The following DDX46 variants were observed in gnomAD, a reference collection of about 807,000 sequenced individuals.
DDX46 encodes the protein probable ATP-dependent RNA helicase DDX46.
DDX46 carries 30 observed loss-of-function variants against 134.9 expected under a neutral mutation model. The observed-to-expected ratio is 0.22, with a 90% CI of 0.17 to 0.30. The LOEUF is 0.30. DDX46 is among the 10% of genes least tolerant of loss of function. The probability of loss-of-function intolerance (pLI) is 1.00; values close to 1 mark genes in which losing one functional copy is unlikely to be tolerated. For synonymous variants in DDX46, 415 were observed against 404.1 expected, an observed-to-expected ratio of 1.03 and a Z score of -0.32; for missense variants, 622 against 1,248.7, an observed-to-expected ratio of 0.50 and a Z score of 7.56.
chr5:134,779,400 G>A (rs2150138851), intron 6 of DDX46, among the ~76,000 whole-genome samples: 1 of 152,304 alleles, frequency 6.6e-6, no homozygotes, highest in East Asian at 1.9e-4. Flanking sequence ...CACCATGTTG[G>A]CCATGCTGGC....
At chr5:134,765,155 G>T (rs1172255289) in intron 2 of DDX46, among the ~76,000 whole-genome samples, 1 of 149,860 alleles carries the variant, frequency 6.7e-6, no homozygotes, top group African/African-American at 2.5e-5. Context: ...TGGAACCTCT[G>T]CCTCCCGGGT....
At chr5:134,817,915 A>C (rs1489407983) in intron 20 of DDX46, among the ~76,000 whole-genome samples, 1 of 151,176 alleles carries the variant, frequency 6.6e-6, no homozygotes, top group Non-Finnish European at 1.5e-5. Flanking sequence ...GCAGGTATGT[A>C]TTAATAATGA....
chr5:134,765,814 G>C (rs1753550187), intron 2 of DDX46, among the ~76,000 whole-genome samples: 1 of 152,068 alleles, frequency 6.6e-6, no homozygotes, highest in African/African-American at 2.4e-5. Flanking sequence ...TAGGATTCAG[G>C]GAAAATATTC....
intron 15 of DDX46, among the ~76,000 whole-genome samples, chr5:134,806,232 A>C (rs1477571918): frequency 6.6e-6 from 1 of 151,700 alleles, no homozygotes; most frequent in East Asian, 1.9e-4. Flanking sequence ...AAAAAGAGAC[A>C]TCCTGAAAAC....
chr5:134,817,751 T>A, intron 20 of DDX46, 37 bp downstream of exon 20: 1 of 1,551,060 alleles, frequency 6.4e-7, no homozygotes, highest in Non-Finnish European at 8.8e-7. Flanking sequence ...TATTGTGAAG[T>A]AGCAACTCTT....
At position 134,822,433 on chromosome 5, in the gene DDX46, A is replaced by G. The variant is rs953453828; in HGVS notation, c.2977+3429A>G. Reference sequence around the variant, plus strand: ...CTGTAGCTTCAAACTCCAGGGTTCAAGTGATCCTCTATCCTTAGCCTCCTG... The same window carrying G: ...CTGTAGCTTCAAACTCCAGGGTTCAGGTGATCCTCTATCCTTAGCCTCCTG... On this transcript the variant is annotated intron_variant, in intron 21 of 22. Transcript: ENST00000452510. Among the ~76,000 whole-genome samples, 13 of 151,560 alleles carry G rather than the reference A, an allele frequency of 8.6e-5. No homozygotes were observed. In the South Asian group the frequency reaches 2.7e-3, roughly 32 times the overall value.
intron 13 of DDX46, among the ~76,000 whole-genome samples, chr5:134,794,275 G>A (rs1754588342): frequency 6.6e-6 from 1 of 152,188 alleles, no homozygotes; most frequent in South Asian, 2.1e-4. Context: ...ATGGTTAACT[G>A]CTACTGTGCT....
At chr5:134,797,345 T>C (rs756178609) in intron 15 of DDX46, among the ~76,000 whole-genome samples, 2 of 152,198 alleles carry the variant, frequency 1.3e-5, no homozygotes, top group Non-Finnish European at 2.9e-5. Flanking sequence ...CAGAGCTCAC[T>C]ATATATATCT....
At chr5:134,796,221 T>A in intron 15 of DDX46, 71 bp downstream of exon 15, 3 of 1,515,644 alleles carry the variant, frequency 2.0e-6, no homozygotes, top group Non-Finnish European at 2.7e-6. Context: ...GTGTTCTCGA[T>A]GATACTTACT....
chr5:134,781,868 A>G, intron 7 of DDX46, 53 bp from the exon 8 acceptor site: 1 of 1,516,838 alleles, frequency 6.6e-7, no homozygotes, highest in Non-Finnish European at 8.9e-7. Flanking sequence ...TGCTTCCCAC[A>G]AGGGGAAAAT....
chr5:134,791,417 C>T (rs1259624999), intron 13 of DDX46, among the ~76,000 whole-genome samples: 5 of 152,044 alleles, frequency 3.3e-5, no homozygotes, highest in Non-Finnish European at 2.9e-5. Context: ...AAAAATTAGC[C>T]GGGCTTGGTG....
chr5:134,781,200 A>C lies in DDX46; in HGVS notation c.833A>C (p.Asp278Ala), dbSNP rs1580787143. ...ACCAAAAAAGCAGTTGTGGATTCTG[A>C]TAAGAAGAAAGGTGAGCTGATGGAG... ...VTTKKAVVDSDKKKGELMEND... is the reference protein window; with the variant it reads ...VTTKKAVVDSAKKKGELMEND... The change falls in exon 7 of 23, where the codon GAT becomes GCT. Residue 278 changes from aspartate to alanine, a missense_variant. Around this residue, in one of 8 missense-constraint regions of DDX46, gnomAD observed 244 missense variants for 349.3 expected, o/e 0.70. Transcript: ENST00000452510. 6.2e-7 allele frequency: 1 copy of C among 1,604,480 alleles called. No individual in the cohort carries two copies. The highest frequency in any genetic ancestry group is 2.2e-5 in the East Asian group (1 of 44,564).
At position 134,824,931 on chromosome 5, in the gene DDX46, A is replaced by G. The variant is rs1406922916; in HGVS notation, c.2978-2016A>G. Among the ~76,000 whole-genome samples, 3 of 152,210 alleles carry G rather than the reference A, an allele frequency of 2.0e-5. No individual in the cohort carries two copies. The East Asian group carries it at 5.8e-4, about 29-fold the overall frequency. ...TGCCTAGTCAGCCTGTATAATTTAT[A>G]TAGCCTGTTCTGTGACCCTCTCTTT... On this transcript the variant is annotated intron_variant, in intron 21 of 22. Transcript: ENST00000452510.
chr5:134,817,097 G>C, intron 19 of DDX46: 1 of 184,626 alleles, frequency 5.4e-6, no homozygotes, highest in South Asian at 1.4e-4. Flanking sequence ...TGTAATGTTG[G>C]GTTGGGTCAT....
intron 1 of DDX46, among the ~76,000 whole-genome samples, chr5:134,760,247 A>G (rs1384659156): frequency 6.6e-6 from 1 of 152,164 alleles, no homozygotes; most frequent in Admixed American, 6.6e-5. Flanking sequence ...GGTCCATTCT[A>G]GCCCGTCAGC....
intron 5 of DDX46, 91 bp from the exon 6 acceptor site, chr5:134,777,483 C>T (rs898252135): frequency 1.4e-6 from 2 of 1,423,420 alleles, no homozygotes; most frequent in Non-Finnish European, 1.9e-6. Context: ...TGGGCAGTGG[C>T]AGAAAAGGTT....
chr5:134,775,167 TA>T (rs768770551), intron 5 of DDX46, among the ~76,000 whole-genome samples: 2 of 152,062 alleles, frequency 1.3e-5, no homozygotes, highest in Non-Finnish European at 2.9e-5. Context: ...GTTACCCAGC[TA>T]GTCTTGAGCT....
At position 134,781,393 on chromosome 5, in the gene DDX46, T is replaced by C. The variant is rs185034884; in HGVS notation, c.879+147T>C. 207 of 631,110 alleles carry C rather than the reference T, an allele frequency of 3.3e-4. 1 individual carries two copies. The highest frequency in any genetic ancestry group is 1.1e-5 in the Non-Finnish European group (4 of 368,714). The allele number at this position is 631,110 out of a possible 1,614,324, so 39.1% of individuals were successfully genotyped here. Reference sequence around the variant, plus strand: ...ATTCTTGCTATTCTTAGTAGTATAATAGTATCTAGTTAAATATCTGTTTAG... The same window carrying C: ...ATTCTTGCTATTCTTAGTAGTATAACAGTATCTAGTTAAATATCTGTTTAG... On this transcript the variant is annotated intron_variant, in intron 7 of 22. Transcript: ENST00000452510.
In DDX46 at chr5:134,764,081, G is replaced by A; in HGVS notation, c.195G>A (p.Arg65=). ...AAAGAAGATCTCGGTCAAGGGACAG[G>A]AAGCGTCTGAGGTAAGACATTAATT... ...RDKRRSRSRD[R]KRLRRSRSRE... is the part of the protein sequence containing the mutation. The change falls in exon 2 of 23, where the codon AGG becomes AGA. Residue 65 remains arginine, a synonymous_variant. Transcript: ENST00000452510. 1 of 1,612,500 alleles carries A rather than the reference G, an allele frequency of 6.2e-7. No individual in the cohort carries two copies. Among genetic ancestry groups the A allele is most frequent in the Non-Finnish European group, 8.5e-7 (1 of 1,179,284 alleles).
Sources: allele counts gnomAD v4.1 joint callset (sites outside exome capture counted in the v4.1 genomes callset), GRCh38; gene constraint gnomAD v4.1.1; regional missense constraint gnomAD v4.1.1; transcripts MANE v1.5; gene names NCBI Gene and HGNC (gene_info 2026-07-23, HGNC 2026-07-21).